Variants in MALT1 observed in about 807,000 individuals in gnomAD.
MALT1 encodes the protein MALT1 paracaspase, also known as mucosa-associated lymphoid tissue lymphoma translocation protein 1.
A neutral mutation model predicts 85.5 loss-of-function variants in MALT1; 36 were observed. The observed-to-expected ratio is 0.42, with a 90% CI of 0.32 to 0.56. The LOEUF (loss-of-function observed/expected upper bound fraction) is 0.56. Ranked by LOEUF, MALT1 falls within the 20% of genes least tolerant of loss-of-function variation. The probability of loss-of-function intolerance (pLI) is 0.10; values close to 1 mark genes in which losing one functional copy is unlikely to be tolerated. For missense variants in MALT1, 716 were observed against 981.6 expected, an observed-to-expected ratio of 0.73 and a Z score of 3.62; for synonymous variants, 359 against 361.3, an observed-to-expected ratio of 0.99 and a Z score of 0.07.
intron 7 of MALT1, among the ~76,000 whole-genome samples, chr18:58,713,387 A>G (rs906151109): frequency 2.6e-5 from 4 of 152,126 alleles, no homozygotes; most frequent in African/African-American, 4.8e-5. Context: ...TTGAGAAACT[A>G]TGAATCTAAC....
rs774062060 is a variant in MALT1, at chr18:58,747,774, G to A, written c.2407G>A (p.Val803Met). 1.9e-6 allele frequency: 3 copies of A among 1,614,100 alleles called. No individual in the cohort carries two copies. The highest frequency in any genetic ancestry group is 4.5e-5 in the East Asian group (2 of 44,868). Reference sequence around the variant, plus strand: ...TTCATGTCATTTTAGTAGAAGTAATGTGCCAGTAGAGACAACTGATGAAAT... The same window carrying A: ...TTCATGTCATTTTAGTAGAAGTAATATGCCAGTAGAGACAACTGATGAAAT... ...HASCHFSRSNVPVETTDEIPF... is the reference protein window; with the variant it reads ...HASCHFSRSNMPVETTDEIPF... Residue 803 changes from valine (V) to methionine (M), a missense_variant, in exon 17 of 17, where the codon GTG becomes ATG. Coordinates refer to ENST00000649217, the MANE Select transcript of MALT1 (RefSeq NM_006785.4).
chr18:58,735,176 GCTTAA>G, intron 12 of MALT1, 21 bp from the exon 13 acceptor site: 1 of 1,592,338 alleles, frequency 6.3e-7, no homozygotes, highest in Non-Finnish European at 8.5e-7. Context: ...TCTGTGCCTG[GCTTAA>G]CTTCTTTTTC....
intron 7 of MALT1, among the ~76,000 whole-genome samples, chr18:58,712,867 T>G (rs2054850124): frequency 6.6e-6 from 1 of 152,150 alleles, no homozygotes; most frequent in African/African-American, 2.4e-5. Context: ...ATAGGTGGAT[T>G]TTTTTAGGGC....
intron 10 of MALT1, among the ~76,000 whole-genome samples, chr18:58,731,015 G>A (rs1186805010): frequency 5.9e-5 from 9 of 152,056 alleles, no homozygotes; most frequent in East Asian, 1.9e-4. Flanking sequence ...CTAGTGGCAC[G>A]ATCTCAGCTT....
At chr18:58,731,105 C>T (rs947608018) in intron 10 of MALT1, among the ~76,000 whole-genome samples, 7 of 152,170 alleles carry the variant, frequency 4.6e-5, no homozygotes, top group South Asian at 2.1e-4. Flanking sequence ...GCTCCCACCA[C>T]CACACTTAGC....
chr18:58,707,488 C>T (rs778785797), intron 4 of MALT1, among the ~76,000 whole-genome samples: 7 of 151,360 alleles, frequency 4.6e-5, no homozygotes, highest in African/African-American at 7.3e-5. Flanking sequence ...AGGTTTGTTA[C>T]ATAGGTATAC....
At chr18:58,686,436 A>C (rs1056148120) in intron 2 of MALT1, among the ~76,000 whole-genome samples, 6 of 152,218 alleles carry the variant, frequency 3.9e-5, no homozygotes, top group African/African-American at 9.7e-5. Context: ...TGATGCCCTT[A>C]ACCTGGAATG....
intron 1 of MALT1, among the ~76,000 whole-genome samples, chr18:58,679,508 G>C (rs1480731157): frequency 6.6e-6 from 1 of 152,220 alleles, no homozygotes; most frequent in Non-Finnish European, 1.5e-5. Flanking sequence ...CACAGGCCAT[G>C]GTCCCTGCAA....
rs528365358 is a variant in MALT1 at position 58,750,539 on chromosome 18, C to G, written c.*2697C>G. 1 of 152,186 alleles carries G rather than the reference C, an allele frequency of 6.6e-6. No individual in the cohort carries two copies. Among genetic ancestry groups the G allele is most frequent in the Non-Finnish European group, 1.5e-5 (1 of 68,036 alleles). The allele number at this position is 152,186 out of a possible 1,614,324, so 9.4% of individuals were successfully genotyped here. On this transcript the variant is annotated 3_prime_UTR_variant, in exon 17 of 17. Transcript: ENST00000649217. ...AGTGTAGGCATATGGATAGACATATCGATCAGAGGAATGGAACTGAACATC... is the reference window on the plus strand; with the variant it reads ...AGTGTAGGCATATGGATAGACATATGGATCAGAGGAATGGAACTGAACATC...
chr18:58,678,870 G>C (rs1370329525), intron 1 of MALT1, among the ~76,000 whole-genome samples: 1 of 152,170 alleles, frequency 6.6e-6, no homozygotes, highest in Non-Finnish European at 1.5e-5. Flanking sequence ...GTGTGGTCTA[G>C]GAGGACCTTG....
At chr18:58,693,521 A>C (rs892239821) in intron 2 of MALT1, among the ~76,000 whole-genome samples, 1 of 152,224 alleles carries the variant, frequency 6.6e-6, no homozygotes, top group Non-Finnish European at 1.5e-5. Flanking sequence ...TATTGGAAGA[A>C]GATGTCATCT....
At chr18:58,729,170 G>A (rs913728424) in intron 10 of MALT1, among the ~76,000 whole-genome samples, 1 of 152,122 alleles carries the variant, frequency 6.6e-6, no homozygotes, top group African/African-American at 2.4e-5. Context: ...AGTGAATAAA[G>A]ATCATGATCT....
Position 58,751,988 on chromosome 18 carries a change from A to G in MALT1, c.*4146A>G, listed in dbSNP as rs1015943474. ...TGGCACAGAAAAGGTCCATTTAGAC[A>G]TTGCCTTCTTCCCCCATCTCTAATG... On this transcript the variant is annotated 3_prime_UTR_variant, in exon 17 of 17. Coordinates refer to ENST00000649217, the MANE Select transcript of MALT1 (RefSeq NM_006785.4). 5.9e-5 allele frequency: 9 copies of G among 152,226 alleles called. No individual in the cohort carries two copies. Among genetic ancestry groups the G allele is most frequent in the African/African-American group, 2.2e-4 (9 of 41,460 alleles). 9.4% of individuals were successfully genotyped at this position (152,226 alleles called of 1,614,324 possible). A position where few individuals can be genotyped will look rare whatever the true frequency, so the allele number is the denominator to read the frequency against.
chr18:58,695,048 T>C (rs6567003), intron 2 of MALT1, among the ~76,000 whole-genome samples: 92,217 of 152,010 alleles, frequency 0.61, 30,354 homozygotes, highest in African/African-American at 0.89. Context: ...GAATAAGTCT[T>C]ATGAGATCTG....
chr18:58,730,731 T>A (rs2055137179), intron 10 of MALT1, among the ~76,000 whole-genome samples: 1 of 152,208 alleles, frequency 6.6e-6, no homozygotes, highest in Non-Finnish European at 1.5e-5. Flanking sequence ...CTTACACCAT[T>A]TTACATTTGT....
At chr18:58,709,695 T>C (rs2054805438) in intron 5 of MALT1, 139 bp downstream of exon 5, 2 of 764,026 alleles carry the variant, frequency 2.6e-6, no homozygotes, top group Non-Finnish European at 4.0e-6. Context: ...AAGTCCCTTA[T>C]GATTTCATAT....
At chr18:58,737,255 G>A (rs976260377) in intron 13 of MALT1, among the ~76,000 whole-genome samples, 1 of 152,136 alleles carries the variant, frequency 6.6e-6, no homozygotes, top group Non-Finnish European at 1.5e-5. Context: ...TGAGGCAGGA[G>A]AATCACTTGA....
At chr18:58,672,710 A>T (rs747328774) in intron 1 of MALT1, 5 of 152,228 alleles carry the variant, frequency 3.3e-5, no homozygotes, top group Non-Finnish European at 7.3e-5. Flanking sequence ...AAAACAAAAA[A>T]GTCTATTAGA....
chr18:58,748,065 A>G lies in MALT1; in HGVS notation c.*223A>G. 1 of 525,110 alleles carries G rather than the reference A, an allele frequency of 1.9e-6. No individual in the cohort carries two copies. Among genetic ancestry groups the G allele is most frequent in the East Asian group, 3.2e-5 (1 of 30,800 alleles). The allele number at this position is 525,110 out of a possible 1,614,324, so 32.5% of individuals were successfully genotyped here. ...GTGAATTGGTTGAATAGTTCTATACAAATGAAGTATGGAGGTGTGTATGTT... is the reference window on the plus strand; with the variant it reads ...GTGAATTGGTTGAATAGTTCTATACGAATGAAGTATGGAGGTGTGTATGTT... On this transcript the variant is annotated 3_prime_UTR_variant, in exon 17 of 17. Transcript: ENST00000649217.
Sources: gnomAD v4.1 joint callset for allele counts (sites outside exome capture counted in the v4.1 genomes callset) on GRCh38, gnomAD v4.1.1 for gene constraint, MANE v1.5 for transcripts, NCBI Gene and HGNC (gene_info 2026-07-23, HGNC 2026-07-21) for gene names.